Variants in ZNF354C observed in about 807,000 individuals in gnomAD.
The protein encoded by ZNF354C is KRAB-zinc finger protein synten.
A neutral mutation model predicts 12.4 loss-of-function variants in ZNF354C; 7 were observed. The observed-to-expected ratio is 0.56, with a 90% CI of 0.32 to 1.06. The LOEUF is 1.06. Among genes scored for constraint, ZNF354C ranks in the 50% least tolerant of loss-of-function variants. The probability of loss-of-function intolerance (pLI) is 0.04; values close to 1 mark genes in which losing one functional copy is unlikely to be tolerated. For synonymous variants in ZNF354C, 202 were observed against 224.5 expected (o/e 0.90, Z 0.90); for missense variants, 609 against 658.0 (o/e 0.93, Z 0.81).
At position 179,060,953 on chromosome 5, in the gene ZNF354C, G is replaced by A. The variant is rs1561746376; in HGVS notation, c.-55+287G>A. On this transcript the variant is annotated intron_variant, in intron 1 of 4. Transcript: ENST00000315475. This position sits in a 1 kb window ranked among gnomAD's most constrained non-coding sequence, Gnocchi z 4.2. The stretch of plus-strand genomic sequence containing the variant: ...TGCCCCAGATGTAACTGGGGCCTGG[G>A]GCTAGGATCAGGATTGCCTTCCCGG... Among the ~76,000 whole-genome samples, 2 of 152,186 alleles carry A rather than the reference G, an allele frequency of 1.3e-5. No homozygotes were observed. Among genetic ancestry groups the A allele is most frequent in the Non-Finnish European group, 2.9e-5 (2 of 68,036 alleles).
intron 2 of ZNF354C, among the ~76,000 whole-genome samples, chr5:179,069,734 C>T (rs1022663498): frequency 6.6e-5 from 10 of 151,494 alleles, no homozygotes; most frequent in Admixed American, 2.0e-4. Flanking sequence ...GGCGCGGTGG[C>T]GGGCGCCTGT....
At chr5:179,075,157 G>A (rs1762101003) in intron 2 of ZNF354C, among the ~76,000 whole-genome samples, 1 of 152,110 alleles carries the variant, frequency 6.6e-6, no homozygotes, top group Admixed American at 6.5e-5. Context: ...TACTCGGGAG[G>A]CTGAGGCAGG....
At chr5:179,069,098 GC>G (rs1561748648) in intron 2 of ZNF354C, among the ~76,000 whole-genome samples, 5 of 152,054 alleles carry the variant, frequency 3.3e-5, no homozygotes, top group Non-Finnish European at 1.5e-5. Flanking sequence ...AAATTAGAAG[GC>G]CCCCTGCAGC....
chr5:179,077,696 C>T (rs1359086330), intron 4 of ZNF354C, among the ~76,000 whole-genome samples: 1 of 152,112 alleles, frequency 6.6e-6, no homozygotes, highest in Non-Finnish European at 1.5e-5. Flanking sequence ...GGGTGATTTA[C>T]TCCATGTTTT....
At position 179,076,658 on chromosome 5, in the gene ZNF354C, C is replaced by T. The variant is rs377523297; in HGVS notation, c.154+87C>T. Reference sequence around the variant, plus strand: ...GGGTTCCGAGCCTGTGGTCTTGTACCCTACTGAGCCCCTCAGAAAGGCTGA... The same window carrying T: ...GGGTTCCGAGCCTGTGGTCTTGTACTCTACTGAGCCCCTCAGAAAGGCTGA... On this transcript the variant is annotated intron_variant, in intron 3 of 4. Coordinates refer to ENST00000315475, the MANE Select transcript of ZNF354C (RefSeq NM_014594.3). 3.2e-3 allele frequency: 4,829 copies of T among 1,513,658 alleles called. 181 individuals are homozygous for T. In the South Asian group the frequency reaches 0.057, roughly 18 times the overall value. 93.8% of individuals were successfully genotyped at this position (1,513,658 alleles called of 1,614,324 possible).
At chr5:179,061,080 C>T (rs1289609815) in intron 1 of ZNF354C, among the ~76,000 whole-genome samples, 1 of 152,230 alleles carries the variant, frequency 6.6e-6, no homozygotes, top group Non-Finnish European at 1.5e-5. Context: ...CTCACCGCTT[C>T]CTGGGAGGAG....
intron 2 of ZNF354C, among the ~76,000 whole-genome samples, chr5:179,065,973 G>A (rs767229678): frequency 3.9e-5 from 6 of 152,040 alleles, no homozygotes; most frequent in Non-Finnish European, 5.9e-5. Context: ...GTATTCCTTC[G>A]AAAGACGACA....
chr5:179,078,771 A>G lies in ZNF354C; in HGVS notation c.339A>G (p.Glu113=). ...EETSQGMVKK[E]SIKDGHWDIN... The stretch of plus-strand genomic sequence containing the variant: ...CATCTCAGGGAATGGTAAAGAAAGA[A>G]TCCATTAAGGATGGTCACTGGGACA... The change falls in exon 5 of 5, where the codon GAA becomes GAG. Residue 113 remains glutamate, a synonymous_variant. Coordinates refer to ENST00000315475, the MANE Select transcript of ZNF354C (RefSeq NM_014594.3). 6.2e-7 allele frequency: 1 copy of G among 1,614,094 alleles called. No homozygotes were observed. Among genetic ancestry groups the G allele is most frequent in the South Asian group, 1.1e-5 (1 of 91,064 alleles).
intron 2 of ZNF354C, among the ~76,000 whole-genome samples, chr5:179,072,348 G>T (rs1762063181): frequency 6.6e-6 from 1 of 151,808 alleles, no homozygotes; most frequent in Non-Finnish European, 1.5e-5. Flanking sequence ...ATAAGGAGAA[G>T]TCAGTGACAG....
In ZNF354C at chr5:179,076,589, T is replaced by C; in HGVS notation, c.154+18T>C. On this transcript the variant is annotated intron_variant, in intron 3 of 4. Transcript: ENST00000315475. ...CTCACTGGGTAAGAATTTTTGCCTATGACGAAGAATCTGTTATAGGAACGC... is the reference window on the plus strand; with the variant it reads ...CTCACTGGGTAAGAATTTTTGCCTACGACGAAGAATCTGTTATAGGAACGC... The C allele has an allele frequency of 1.2e-6, 2 of 1,613,468 alleles. No individual in the cohort carries two copies. The highest frequency in any genetic ancestry group is 1.7e-6 in the Non-Finnish European group (2 of 1,179,672).
chr5:179,065,097 G>C (rs1248173384), intron 2 of ZNF354C, among the ~76,000 whole-genome samples: 1 of 151,890 alleles, frequency 6.6e-6, no homozygotes, highest in Non-Finnish European at 1.5e-5. Context: ...AACAATTTTA[G>C]ACGAGAGAAT....
At position 179,078,971 on chromosome 5, in the gene ZNF354C, G is replaced by A; in HGVS notation, c.539G>A (p.Ser180Asn). Residue 180 changes from serine to asparagine, a missense_variant, in exon 5 of 5, where the codon AGT becomes AAT. Transcript: ENST00000315475. ...FTNTALVTQQSVPIERIPNMY... is the reference protein window; with the variant it reads ...FTNTALVTQQNVPIERIPNMY... ...AATACAGCTCTTGTCACACAACAGA[G>A]TGTTCCTATAGAAAGGATACCCAAT... The A allele has an allele frequency of 1.9e-6, 3 of 1,614,006 alleles. No individual in the cohort carries two copies. The highest frequency in any genetic ancestry group is 2.5e-6 in the Non-Finnish European group (3 of 1,179,990).
rs566432946 is a variant in ZNF354C, at chr5:179,083,842, G to T, written c.*3745G>T. Among the ~76,000 whole-genome samples, 1 of 152,344 alleles carries T rather than the reference G, an allele frequency of 6.6e-6. No homozygotes were observed. Among genetic ancestry groups the T allele is most frequent in the Admixed American group, 6.5e-5 (1 of 15,308 alleles). On this transcript the variant is annotated 3_prime_UTR_variant, in exon 5 of 5. Coordinates refer to ENST00000315475, the MANE Select transcript of ZNF354C (RefSeq NM_014594.3). The stretch of plus-strand genomic sequence containing the variant: ...TGGGCATTCCTGTGGTGAGGACAGA[G>T]ATGGCTGAGCAGGCATCTAAACCTC...
chr5:179,077,035 T>C (rs1431379971), intron 3 of ZNF354C, 36 bp from the exon 4 acceptor site: 1 of 1,579,436 alleles, frequency 6.3e-7, no homozygotes, highest in African/African-American at 1.3e-5. Context: ...GTCTTCATGC[T>C]ATTTGTTCAA....
At chr5:179,064,408 C>T (rs1761933544) in intron 2 of ZNF354C, among the ~76,000 whole-genome samples, 1 of 148,812 alleles carries the variant, frequency 6.7e-6, no homozygotes, top group South Asian at 2.1e-4. Flanking sequence ...CTGTGCCCGG[C>T]CAATATGTAA....
At chr5:179,072,950 C>G (rs930119211) in intron 2 of ZNF354C, among the ~76,000 whole-genome samples, 10 of 152,106 alleles carry the variant, frequency 6.6e-5, no homozygotes, top group African/African-American at 2.4e-4. Context: ...ATTTCATGTA[C>G]TTAGTAGCCA....
chr5:179,072,293 T>TAAA (rs57069867), intron 2 of ZNF354C, among the ~76,000 whole-genome samples: 1 of 147,040 alleles, frequency 6.8e-6, no homozygotes, highest in Non-Finnish European at 1.5e-5. Context: ...CCTGAAATTG[T>TAAA]AAAAAAAAAA....
intron 2 of ZNF354C, among the ~76,000 whole-genome samples, chr5:179,068,885 T>C (rs1413094137): frequency 6.6e-6 from 1 of 152,256 alleles, no homozygotes; most frequent in East Asian, 1.9e-4. Flanking sequence ...GGCTGCTTGA[T>C]GGCTGCCTTC....
In ZNF354C at chr5:179,079,938, G is replaced by A. The variant is rs757603740; in HGVS notation, c.1506G>A (p.Gly502=). The A allele has an allele frequency of 9.9e-6, 16 of 1,613,852 alleles. No individual in the cohort carries two copies. The African/African-American group carries it at 2.0e-4, about 20-fold the overall frequency. Residue 502 remains glycine (G), a synonymous_variant, in exon 5 of 5, where the codon GGG becomes GGA. Coordinates refer to ENST00000315475, the MANE Select transcript of ZNF354C (RefSeq NM_014594.3). The surrounding 1 kb of genome is among the most constrained non-coding windows in gnomAD (Gnocchi z 4.2). ...AACTGTATAAATGTATGGAATGTGGGAAAGCCTACAGTTACAGATCAAACC... is the reference window on the plus strand; with the variant it reads ...AACTGTATAAATGTATGGAATGTGGAAAAGCCTACAGTTACAGATCAAACC... ...GEKLYKCMEC[G]KAYSYRSNLC...
Sources: gnomAD v4.1 joint callset for allele counts (sites outside exome capture counted in the v4.1 genomes callset) on GRCh38, gnomAD v4.1.1 for gene constraint, Gnocchi (gnomAD v3.1) non-coding constraint, MANE v1.5 for transcripts, NCBI Gene and HGNC (gene_info 2026-07-23, HGNC 2026-07-21) for gene names.